Variants in ASIC3 observed in about 807,000 individuals in gnomAD.
ASIC3 encodes the protein acid sensing ion channel subunit 3, also known as acid-sensing ion channel 3.
In ASIC3, 46 loss-of-function variants were observed where a neutral mutation model predicts 58.6. The ratio of observed to expected loss-of-function variants is 0.79; its 90% CI spans 0.62 to 1.00. The LOEUF (loss-of-function observed/expected upper bound fraction) is 1.00. Among genes scored for constraint, ASIC3 ranks in the 50% least tolerant of loss-of-function variants. ASIC3 has a pLI of 0.00. For synonymous variants in ASIC3, 336 were observed against 300.2 expected (o/e 1.12, Z -1.23); for missense variants, 770 against 735.0 (o/e 1.05, Z -0.55).
At chr7:151,050,380 T>G in intron 2 of ASIC3, 101 bp from the exon 3 acceptor site, 1 of 1,567,736 alleles carries the variant, frequency 6.4e-7, no homozygotes, top group Non-Finnish European at 8.7e-7. Context: ...CTGGGCTGGC[T>G]CATCCCAGTC....
rs1796759405 is a variant in ASIC3 at position 151,050,957 on chromosome 7, A to G, written c.1009+4A>G. The G allele has an allele frequency of 6.2e-7, 1 of 1,613,342 alleles. No homozygotes were observed. Among genetic ancestry groups the G allele is most frequent in the African/African-American group, 1.3e-5 (1 of 75,048 alleles). ...TGCCGAATGGTGTACATGCCAGGTG[A>G]GGGGCTGGGGTTTTCGTCCCATGGC... On this transcript the variant is annotated splice_donor_region_variant and intron_variant, in intron 4 of 10. Transcript: ENST00000349064.
chr7:151,050,571 C>CG lies in ASIC3; in HGVS notation c.779dup (p.Tyr261LeufsTer32). 6.2e-7 allele frequency: 1 copy of CG among 1,614,032 alleles called. No individual in the cohort carries two copies. The stretch of plus-strand genomic sequence containing the variant: ...GATCAGCTGGGCTTGGGGGTGTCCC[C>CG]GGGCTACCAGACCTTTGTTTCTTGC... On this transcript the variant is annotated frameshift_variant, in exon 3 of 11. Coordinates refer to ENST00000349064, the MANE Select transcript of ASIC3 (RefSeq NM_004769.4). LOFTEE classifies it high-confidence loss of function.
upstream of ASIC3, chr7:151,048,296 G>A (rs1042197710): frequency 4.6e-5 from 7 of 153,024 alleles, no homozygotes; most frequent in African/African-American, 1.7e-4. Context: ...CCAGTGTACA[G>A]GGGTTGCAAC....
Position 151,049,117 on chromosome 7 carries a change from G to A in ASIC3, c.232G>A (p.Glu78Lys). ...GTTCCACCACCAGACTGCCCTGGAT[G>A]AGCGAGAAAGCCACCGGCTCATCTT... ...REFHHQTALDERESHRLIFPA... is the reference protein window; with the variant it reads ...REFHHQTALDKRESHRLIFPA... The change falls in exon 1 of 11, where the codon GAG becomes AAG. Residue 78 changes from glutamate (E) to lysine (K), a missense_variant. By Grantham distance (56) the Glu-to-Lys change is moderately conservative (BLOSUM62 1). Transcript: ENST00000349064. 1.2e-6 allele frequency: 2 copies of A among 1,613,898 alleles called. No individual in the cohort carries two copies. Among genetic ancestry groups the A allele is most frequent in the Non-Finnish European group, 1.7e-6 (2 of 1,179,928 alleles).
chr7:151,051,247 T>G lies in ASIC3; in HGVS notation c.1142T>G (p.Met381Arg), dbSNP rs777980557. The change falls in exon 6 of 11, where the codon ATG (methionine) becomes AGG (arginine). Residue 381 changes from methionine to arginine, a missense_variant. Coordinates refer to ENST00000349064, the MANE Select transcript of ASIC3 (RefSeq NM_004769.4). ...ACGCGCTACGCCAAGGAGCTCTCCA[T>G]GGTGCGGATCCCGAGCCGCGCCGCC... ...ASTRYAKELS[M>R]VRIPSRAAAR... 2.6e-5 allele frequency: 41 copies of G among 1,558,044 alleles called. No homozygotes were observed. In the East Asian group the frequency reaches 9.6e-4, roughly 36 times the overall value.
intron 1 of ASIC3, among the ~76,000 whole-genome samples, chr7:151,049,812 C>T (rs1047817318): frequency 1.3e-5 from 2 of 152,170 alleles, no homozygotes; most frequent in African/African-American, 4.8e-5. Context: ...CTGCCAGCCC[C>T]GGAGGACAGC....
At position 151,050,785 on chromosome 7, in the gene ASIC3, G is replaced by A. The variant is rs745324943; in HGVS notation, c.841G>A (p.Asp281Asn). 3 of 1,613,846 alleles carry A rather than the reference G, an allele frequency of 1.9e-6. No homozygotes were observed. The highest frequency in any genetic ancestry group is 8.5e-7 in the Non-Finnish European group (1 of 1,179,910). ...GAGCTTCCTGCCACCGCCCTGGGGC[G>A]ATTGCAGTTCAGCATCTCTGAACCC... Reference protein sequence around the residue: ...QLSFLPPPWGDCSSASLNPNY... With the variant: ...QLSFLPPPWGNCSSASLNPNY... The change falls in exon 4 of 11, where the codon GAT becomes AAT. Residue 281 changes from aspartate (D) to asparagine (N), a missense_variant. Physicochemically the swap from Asp to Asn is conservative, Grantham distance 23 (BLOSUM62 1). Coordinates refer to ENST00000349064, the MANE Select transcript of ASIC3 (RefSeq NM_004769.4).
intron 6 of ASIC3, 92 bp from the exon 7 acceptor site, chr7:151,051,718 T>G: frequency 7.3e-7 from 1 of 1,361,062 alleles, no homozygotes; most frequent in Middle Eastern, 2.4e-4. Flanking sequence ...CCCAGGGTTC[T>G]TGAAAGGAGT....
chr7:151,049,111 C>G lies in ASIC3; in HGVS notation c.226C>G (p.Leu76Val). The G allele has an allele frequency of 2.5e-6, 4 of 1,613,916 alleles. No individual in the cohort carries two copies. The highest frequency in any genetic ancestry group is 3.4e-6 in the Non-Finnish European group (4 of 1,179,924). Reference protein sequence around the residue: ...YYREFHHQTALDERESHRLIF... With the variant: ...YYREFHHQTAVDERESHRLIF... ...CAGGGAGTTCCACCACCAGACTGCC[C>G]TGGATGAGCGAGAAAGCCACCGGCT... is the stretch of plus-strand genomic sequence containing the variant. Residue 76 changes from leucine to valine, a missense_variant, in exon 1 of 11, where the codon CTG becomes GTG. Transcript: ENST00000349064.
At position 151,049,289 on chromosome 7, in the gene ASIC3, C is replaced by T. The variant is rs762969627; in HGVS notation, c.404C>T (p.Pro135Leu). Residue 135 changes from proline (P) to leucine (L), a missense_variant, in exon 1 of 11, where the codon CCG (proline) becomes CTG (leucine). Coordinates refer to ENST00000349064, the MANE Select transcript of ASIC3 (RefSeq NM_004769.4). ...CGCGCCCTGGGCCGGCCCCCTGCAC[C>T]GCCCGGCTTCATGCCCAGTCCCACC... ...FLRALGRPPA[P>L]PGFMPSPTFD... 3.1e-5 allele frequency: 50 copies of T among 1,612,594 alleles called. No homozygotes were observed. Among genetic ancestry groups the T allele is most frequent in the East Asian group, 4.5e-5 (2 of 44,894 alleles).
intron 2 of ASIC3, 88 bp from the exon 3 acceptor site, chr7:151,050,393 G>A: frequency 6.3e-7 from 1 of 1,576,902 alleles, no homozygotes; most frequent in Non-Finnish European, 8.6e-7. Context: ...TCCCAGTCCT[G>A]GGGAGAGGGG....
rs200466021 is a variant in ASIC3, at chr7:151,050,750, C to G, written c.814-8C>G. 25 of 1,612,988 alleles carry G rather than the reference C, an allele frequency of 1.5e-5. No individual in the cohort carries two copies. The highest frequency in any genetic ancestry group is 2.1e-5 in the Non-Finnish European group (25 of 1,179,584). ...CCGGGAAGCCTCCTTAACCCTGTCC[C>G]CCCACAGCTGAGCTTCCTGCCACCG... On this transcript the variant is annotated splice_region_variant and splice_polypyrimidine_tract_variant and intron_variant, in intron 3 of 10. Coordinates refer to ENST00000349064, the MANE Select transcript of ASIC3 (RefSeq NM_004769.4).
rs1796766910 is a variant in ASIC3 at position 151,051,165 on chromosome 7, C to T, written c.1067-7C>T. The T allele has an allele frequency of 6.3e-7, 1 of 1,594,590 alleles. No individual in the cohort carries two copies. The highest frequency in any genetic ancestry group is 8.5e-7 in the Non-Finnish European group (1 of 1,175,236). On this transcript the variant is annotated splice_polypyrimidine_tract_variant and splice_region_variant and intron_variant, in intron 5 of 10. Coordinates refer to ENST00000349064, the MANE Select transcript of ASIC3 (RefSeq NM_004769.4). ...GCGGGCGTCTGACGCGGCCCGGTGG[C>T]CCGCAGATGCCATGCTTCGCAAGGA...
rs538819179 is a variant in ASIC3, at chr7:151,049,057, T to C, written c.172T>C (p.Tyr58His). 6.2e-6 allele frequency: 10 copies of C among 1,613,772 alleles called. No homozygotes were observed. In the South Asian group the frequency reaches 9.9e-5, roughly 16 times the overall value. ...GGTCCTGTCAGTGGCCACCTTCCTC[T>C]ACCAGGTGGCTGAGAGGGTGCGCTA... ...AVVLSVATFL[Y>H]QVAERVRYYR... Residue 58 changes from tyrosine to histidine, a missense_variant, in exon 1 of 11, where the codon TAC (tyrosine) becomes CAC (histidine). Coordinates refer to ENST00000349064, the MANE Select transcript of ASIC3 (RefSeq NM_004769.4).
Position 151,050,205 on chromosome 7 carries a change from A to C in ASIC3, c.634A>C (p.Ile212Leu). The C allele has an allele frequency of 6.2e-7, 1 of 1,614,086 alleles. No individual in the cohort carries two copies. The highest frequency in any genetic ancestry group is 1.3e-5 in the African/African-American group (1 of 75,038). ...TRGGMGNGLD[I>L]MLDVQQEEYL... is the part of the protein sequence containing the mutation. ...GGGTGGCATGGGCAATGGGCTGGACATCATGCTGGACGTGCAGCAGGAGGA... is the reference window on the plus strand; with the variant it reads ...GGGTGGCATGGGCAATGGGCTGGACCTCATGCTGGACGTGCAGCAGGAGGA... The change falls in exon 2 of 11, where the codon ATC becomes CTC. Residue 212 changes from isoleucine to leucine, a missense_variant. Coordinates refer to ENST00000349064, the MANE Select transcript of ASIC3 (RefSeq NM_004769.4).
rs773761947 is a variant in ASIC3, at chr7:151,052,377, G to A, written c.1459-39G>A. ...TGACCTCGACTGGTCCCTGGGAGGA[G>A]GACCACTCCCCACCTCTGACCCTCT... is the stretch of plus-strand genomic sequence containing the variant. On this transcript the variant is annotated intron_variant, in intron 9 of 10. Transcript: ENST00000349064. The surrounding 1 kb of genome is among the most constrained non-coding windows in gnomAD (Gnocchi z 5.0). 22 of 1,613,392 alleles carry A rather than the reference G, an allele frequency of 1.4e-5. No homozygotes were observed. The highest frequency in any genetic ancestry group is 1.7e-5 in the Non-Finnish European group (20 of 1,179,866).
In ASIC3 at chr7:151,049,337, C is replaced by T. The variant is rs952057471; in HGVS notation, c.452C>T (p.Ala151Val). 1.9e-6 allele frequency: 3 copies of T among 1,613,040 alleles called. No individual in the cohort carries two copies. The highest frequency in any genetic ancestry group is 2.5e-6 in the Non-Finnish European group (3 of 1,179,922). ...ACCTTTGACATGGCGCAACTCTATG[C>T]CCGTGCTGGGCACTCCCTGGATGAC... is the stretch of plus-strand genomic sequence containing the variant. ...SPTFDMAQLY[A>V]RAGHSLDDML... Residue 151 changes from alanine to valine, a missense_variant, in exon 1 of 11, where the codon GCC (alanine) becomes GTC (valine). Coordinates refer to ENST00000349064, the MANE Select transcript of ASIC3 (RefSeq NM_004769.4).
chr7:151,052,098 G>A lies in ASIC3; in HGVS notation c.1386+36G>A. 1.2e-6 allele frequency: 2 copies of A among 1,613,768 alleles called. No individual in the cohort carries two copies. Among genetic ancestry groups the A allele is most frequent in the Non-Finnish European group, 1.7e-6 (2 of 1,179,862 alleles). ...GCCCCCACTGCAGGGGGTGGGAGGT[G>A]GGAATCAGGGCCCCTAGGATGAGGG... On this transcript the variant is annotated intron_variant, in intron 8 of 10. Coordinates refer to ENST00000349064, the MANE Select transcript of ASIC3 (RefSeq NM_004769.4). This position sits in a 1 kb window ranked among gnomAD's most constrained non-coding sequence, Gnocchi z 5.0.
Position 151,050,781 on chromosome 7 carries a change from G to T in ASIC3, c.837G>T (p.Trp279Cys), listed in dbSNP as rs554483671. ...QQQLSFLPPP[W>C]GDCSSASLNP... is the part of the protein sequence containing the mutation. ...AGCTGAGCTTCCTGCCACCGCCCTGGGGCGATTGCAGTTCAGCATCTCTGA... is the reference window on the plus strand; with the variant it reads ...AGCTGAGCTTCCTGCCACCGCCCTGTGGCGATTGCAGTTCAGCATCTCTGA... Residue 279 changes from tryptophan (W) to cysteine (C), a missense_variant, in exon 4 of 11, where the codon TGG becomes TGT. By Grantham distance (215) the Trp-to-Cys change is radical. Transcript: ENST00000349064. 9.9e-6 allele frequency: 16 copies of T among 1,613,816 alleles called. No homozygotes were observed. In the African/African-American group the frequency reaches 2.1e-4, roughly 22 times the overall value.
Sources: gnomAD v4.1 joint callset for allele counts (sites outside exome capture counted in the v4.1 genomes callset) on GRCh38, gnomAD v4.1.1 for gene constraint, Gnocchi (gnomAD v3.1) non-coding constraint, MANE v1.5 for transcripts, NCBI Gene and HGNC (gene_info 2026-07-23, HGNC 2026-07-21) for gene names.